Variants in DLGAP2 observed in about 807,000 individuals in gnomAD.
DLGAP2 encodes the protein DLG associated protein 2, also known as disks large-associated protein 2.
DLGAP2 carries 26 observed loss-of-function variants against 100.3 expected under a neutral mutation model. The observed-to-expected ratio is 0.26, with a 90% confidence interval of 0.19 to 0.36. DLGAP2 has a LOEUF of 0.36. Among genes scored for constraint, DLGAP2 ranks in the 10% least tolerant of loss-of-function variants. The probability of loss-of-function intolerance (pLI) is 1.00; values close to 1 mark genes in which losing one functional copy is unlikely to be tolerated. For missense variants in DLGAP2, 1,858 were observed against 1,453.2 expected (o/e 1.28, Z -4.53); for synonymous variants, 886 against 630.1 (o/e 1.41, Z -6.08).
At chr8:1,659,415 T>G (rs11777242) in intron 8 of DLGAP2, among the ~76,000 whole-genome samples, 1 of 152,012 alleles carries the variant, frequency 6.6e-6, no homozygotes, top group Non-Finnish European at 1.5e-5. Flanking sequence ...TTCTGTCTCA[T>G]TGATCTGTCT....
chr8:1,114,767 A>G (rs867985053), intron 2 of DLGAP2, among the ~76,000 whole-genome samples: 4 of 151,892 alleles, frequency 2.6e-5, no homozygotes, highest in Non-Finnish European at 4.4e-5. Flanking sequence ...TGCTTCTCCA[A>G]TTCTTTTAAT....
chr8:1,291,473 G>T (rs990832133), intron 3 of DLGAP2, among the ~76,000 whole-genome samples: 13 of 152,130 alleles, frequency 8.5e-5, no homozygotes, highest in Non-Finnish European at 1.3e-4. Flanking sequence ...AAAGGCAGAC[G>T]TATGGCTCCC....
At chr8:1,074,311 A>T (rs1476315454) in intron 2 of DLGAP2, among the ~76,000 whole-genome samples, 3 of 151,952 alleles carry the variant, frequency 2.0e-5, no homozygotes, top group Non-Finnish European at 4.4e-5. Context: ...ACTGTCACAG[A>T]AGGGTTTGCA....
At chr8:1,349,967 G>A (rs934625276) in intron 3 of DLGAP2, among the ~76,000 whole-genome samples, 1 of 152,118 alleles carries the variant, frequency 6.6e-6, no homozygotes, top group East Asian at 1.9e-4. Flanking sequence ...CTTTACAGAG[G>A]CTCTATTTTT....
At chr8:1,521,628 T>G (rs1459790707) in intron 4 of DLGAP2, among the ~76,000 whole-genome samples, 2 of 34,652 alleles carry the variant, frequency 5.8e-5, no homozygotes, top group Admixed American at 4.8e-4. Context: ...GCAGGTGATA[T>G]GGGGCATCTG....
At chr8:1,557,607 G>GA (rs1802010498) in intron 5 of DLGAP2, among the ~76,000 whole-genome samples, 1 of 152,086 alleles carries the variant, frequency 6.6e-6, no homozygotes, top group Non-Finnish European at 1.5e-5. Context: ...CGGGTGCCAT[G>GA]ACGGGCATAC....
At chr8:1,232,885 A>G (rs1353500201) in intron 2 of DLGAP2, among the ~76,000 whole-genome samples, 1 of 152,222 alleles carries the variant, frequency 6.6e-6, no homozygotes, top group Admixed American at 6.5e-5. Context: ...CATCGCCATA[A>G]TCTAATTTTA....
chr8:951,365 C>T (rs1563110748), intron 2 of DLGAP2, among the ~76,000 whole-genome samples: 1 of 152,170 alleles, frequency 6.6e-6, no homozygotes, highest in African/African-American at 2.4e-5. Context: ...CTGCCTCAGC[C>T]TCCCAAGTAG....
At chr8:1,586,269 T>C (rs1796116185) in intron 6 of DLGAP2, among the ~76,000 whole-genome samples, 1 of 152,200 alleles carries the variant, frequency 6.6e-6, no homozygotes, top group Non-Finnish European at 1.5e-5. Context: ...ATCAAGATGT[T>C]ACAGTTGCGG....
intron 2 of DLGAP2, among the ~76,000 whole-genome samples, chr8:1,116,105 C>T (rs968282755): frequency 6.6e-6 from 1 of 152,190 alleles, no homozygotes; most frequent in Non-Finnish European, 1.5e-5. Flanking sequence ...TGGTGGGTGT[C>T]TGTGGTTTTG....
intron 2 of DLGAP2, among the ~76,000 whole-genome samples, chr8:1,217,915 G>A (rs1464317676): frequency 6.6e-6 from 1 of 152,104 alleles, no homozygotes; most frequent in African/African-American, 2.4e-5. Flanking sequence ...CTTTTGAGAA[G>A]TGTCCATGTC....
chr8:769,512 G>C (rs1430636088), intron 1 of DLGAP2, among the ~76,000 whole-genome samples: 1 of 152,158 alleles, frequency 6.6e-6, no homozygotes, highest in Non-Finnish European at 1.5e-5. Flanking sequence ...TTTTAGTGTT[G>C]CTCCTTTTTA....
At chr8:1,684,099 A>T (rs1799050425) in intron 12 of DLGAP2, among the ~76,000 whole-genome samples, 1 of 150,686 alleles carries the variant, frequency 6.6e-6, no homozygotes, top group African/African-American at 2.5e-5. Context: ...CTCCTGCTTC[A>T]GCCTCCTGAG....
intron 2 of DLGAP2, among the ~76,000 whole-genome samples, chr8:1,194,869 G>A (rs914374176): frequency 2.0e-5 from 3 of 152,192 alleles, no homozygotes; most frequent in Admixed American, 2.0e-4. Flanking sequence ...CAGACTCTAG[G>A]GCTGTGTCTG....
At chr8:1,254,240 C>T (rs1163034167) in intron 2 of DLGAP2, among the ~76,000 whole-genome samples, 5 of 152,348 alleles carry the variant, frequency 3.3e-5, no homozygotes, top group African/African-American at 1.2e-4. Flanking sequence ...AAGCCGGCGT[C>T]TCCCCTGCCC....
At chr8:1,206,393 G>A (rs75700976) in intron 2 of DLGAP2, among the ~76,000 whole-genome samples, 339 of 150,590 alleles carry the variant, frequency 2.3e-3, no homozygotes, top group Non-Finnish European at 3.6e-3. Context: ...TTAATCTCCA[G>A]CCATCCGTGG....
At chr8:1,261,191 T>C (rs1359249060) in intron 3 of DLGAP2, among the ~76,000 whole-genome samples, 2 of 149,996 alleles carry the variant, frequency 1.3e-5, no homozygotes, top group East Asian at 4.0e-4. Context: ...GGAGGGCAGG[T>C]CAGCTTCCAG....
At chr8:1,670,684 G>C (rs1798669364) in intron 10 of DLGAP2, among the ~76,000 whole-genome samples, 1 of 152,086 alleles carries the variant, frequency 6.6e-6, no homozygotes, top group African/African-American at 2.4e-5. Flanking sequence ...TTTCATGGCA[G>C]TAAGAAAAAA....
intron 3 of DLGAP2, among the ~76,000 whole-genome samples, chr8:1,318,755 A>G (rs374128049): frequency 6.7e-5 from 10 of 150,128 alleles, no homozygotes; most frequent in African/African-American, 2.0e-4. Flanking sequence ...TTTTCATTGT[A>G]ACTAATCCAT....
Sources: gnomAD v4.1 joint callset for allele counts (sites outside exome capture counted in the v4.1 genomes callset) on GRCh38, gnomAD v4.1.1 for gene constraint, MANE v1.5 for transcripts, NCBI Gene and HGNC (gene_info 2026-07-23, HGNC 2026-07-21) for gene names.